Variants in MTAP observed in about 807,000 individuals in gnomAD.
MTAP encodes S-methyl-5'-thioadenosine phosphorylase.
A neutral mutation model predicts 33.6 loss-of-function variants in MTAP; 33 were observed. The observed-to-expected ratio is 0.98, with a 90% CI of 0.74 to 1.31. The LOEUF is 1.31. Among genes scored for constraint, MTAP ranks in the 40% most tolerant of loss-of-function variants. The pLI is 0.00. For synonymous variants in MTAP, 148 were observed against 125.7 expected, an observed-to-expected ratio of 1.18 and a Z score of -1.19; for missense variants, 367 against 360.0, an observed-to-expected ratio of 1.02 and a Z score of -0.16.
intron 4 of MTAP, among the ~76,000 whole-genome samples, chr9:21,824,519 G>T (rs1447771754): frequency 1.3e-5 from 2 of 152,244 alleles, no homozygotes; most frequent in Non-Finnish European, 2.9e-5. Flanking sequence ...CTACTGGGGG[G>T]TGCCTCACAG....
At chr9:21,940,492 T>C (rs1819119605), downstream of MTAP, among the ~76,000 whole-genome samples, 1 of 152,194 alleles carries the variant, frequency 6.6e-6, no homozygotes, top group Non-Finnish European at 1.5e-5. Flanking sequence ...TTTGAGGTTT[T>C]GTTATCTACT....
At chr9:21,853,434 A>G (rs1825563320) in intron 5 of MTAP, among the ~76,000 whole-genome samples, 2 of 152,200 alleles carry the variant, frequency 1.3e-5, no homozygotes, top group African/African-American at 2.4e-5. Flanking sequence ...TTCATTGTCC[A>G]TAGCTTGCTA....
intron 1 of MTAP, among the ~76,000 whole-genome samples, chr9:21,920,783 A>ATCCCACT (rs1488405381): frequency 1.3e-5 from 2 of 152,188 alleles, no homozygotes; most frequent in Non-Finnish European, 2.9e-5. Context: ...ATCATGCTAA[A>ATCCCACT]TGATCTTTTT....
intron 1 of MTAP, among the ~76,000 whole-genome samples, chr9:21,907,804 A>G (rs1044468181): frequency 6.6e-6 from 1 of 152,120 alleles, no homozygotes; most frequent in African/African-American, 2.4e-5. Context: ...GCCTTTTAGG[A>G]CATTTTAAGT....
rs1374870936 is a variant in MTAP at position 21,845,384 on chromosome 9, A to AT, written c.450+7374_450+7375insT. 6.6e-5 allele frequency among the ~76,000 whole-genome samples: 10 copies of AT among 152,334 alleles called. No individual in the cohort carries two copies. In the East Asian group the frequency reaches 1.9e-3, roughly 29 times the overall value. On this transcript the variant is annotated intron_variant, in intron 5 of 7. Transcript: ENST00000644715. ...AATAGCACTTTTATAGACCAACAGC[A>AT]ACCAAGCTGAGAATCAAATCAAGAA...
chr9:21,935,690 G>A (rs1183163350), downstream of MTAP: 1 of 151,984 alleles, frequency 6.6e-6, no homozygotes, highest in African/African-American at 2.4e-5. Flanking sequence ...TCTTCTGAAA[G>A]TATTGATGAT....
Position 21,864,634 on chromosome 9 carries a change from T to TG in MTAP, c.*2620_*2621insG, listed in dbSNP as rs1285092645. ...ACCTGGCCCCTGTTCACTGCCCCCTTCGCTAGCACGAGTTGCTGTGCAGGG... is the reference window on the plus strand; with the variant it reads ...ACCTGGCCCCTGTTCACTGCCCCCTTGCGCTAGCACGAGTTGCTGTGCAGGG... On this transcript the variant is annotated 3_prime_UTR_variant, in exon 8 of 8. Transcript: ENST00000644715. 1 of 985,384 alleles carries TG rather than the reference T, an allele frequency of 1.0e-6. No individual in the cohort carries two copies. Among genetic ancestry groups the TG allele is most frequent in the African/African-American group, 1.7e-5 (1 of 57,242 alleles). The allele number at this position is 985,384 out of a possible 1,614,324, so 61.0% of individuals were successfully genotyped here. A position where few individuals can be genotyped will look rare whatever the true frequency, so the allele number is the denominator to read the frequency against.
intron 1 of MTAP, among the ~76,000 whole-genome samples, chr9:21,894,393 G>T (rs1353984865): frequency 6.6e-6 from 1 of 151,886 alleles, no homozygotes; most frequent in Non-Finnish European, 1.5e-5. Flanking sequence ...AGTACTGGAC[G>T]TCCTAGCCAG....
intron 1 of MTAP, among the ~76,000 whole-genome samples, chr9:21,912,988 AACAG>A (rs1233809237): frequency 2.7e-4 from 41 of 152,118 alleles, no homozygotes; most frequent in Admixed American, 2.4e-3. Context: ...ATACACCAAT[AACAG>A]ACAGAGAGCC....
chr9:21,834,411 T>C (rs1825051130), intron 4 of MTAP, among the ~76,000 whole-genome samples: 1 of 152,220 alleles, frequency 6.6e-6, no homozygotes, highest in Admixed American at 6.5e-5. Flanking sequence ...TAGAGGGCTT[T>C]AAAGGTTAAA....
intron 1 of MTAP, chr9:21,803,234 G>A (rs1009463140): frequency 1.9e-5 from 6 of 318,796 alleles, no homozygotes; most frequent in African/African-American, 6.5e-5. Context: ...GTGCCTTGCG[G>A]GACTCCAGCT....
chr9:21,838,113 T>G, intron 5 of MTAP, 103 bp downstream of exon 5: 2 of 857,414 alleles, frequency 2.3e-6, no homozygotes, highest in South Asian at 3.1e-5. Flanking sequence ...ATACCCTCAC[T>G]CAAGTTTGCT....
chr9:21,802,850 C>G lies in MTAP; in HGVS notation c.33+69C>G, dbSNP rs776994307. 5.0e-6 allele frequency: 8 copies of G among 1,592,676 alleles called. No individual in the cohort carries two copies. The Admixed American group carries it at 1.4e-4, about 28-fold the overall frequency. ...GCCTTCTCGCCCCCGCGCCGGGGGACCGCGCCTCCGGGGGCCATGCGCCCG... is the reference window on the plus strand; with the variant it reads ...GCCTTCTCGCCCCCGCGCCGGGGGAGCGCGCCTCCGGGGGCCATGCGCCCG... On this transcript the variant is annotated intron_variant, in intron 1 of 7. Coordinates refer to ENST00000644715, the MANE Select transcript of MTAP (RefSeq NM_002451.4).
chr9:21,803,545 A>G (rs549425063), intron 1 of MTAP, among the ~76,000 whole-genome samples: 4 of 152,234 alleles, frequency 2.6e-5, no homozygotes, highest in South Asian at 2.1e-4. Context: ...ACAAGGGGTC[A>G]TTGTGCGGTG....
chr9:21,927,229 T>A (rs1413828342), intron 1 of MTAP, among the ~76,000 whole-genome samples: 3 of 152,220 alleles, frequency 2.0e-5, no homozygotes, highest in Non-Finnish European at 4.4e-5. Flanking sequence ...TATAGGTTAC[T>A]TTTTAAAGAA....
chr9:21,825,109 G>A (rs201171829), intron 4 of MTAP, among the ~76,000 whole-genome samples: 3 of 152,024 alleles, frequency 2.0e-5, no homozygotes, highest in East Asian at 1.9e-4. Flanking sequence ...CCCGCTCTCC[G>A]GCACCCACTG....
chr9:21,929,785 T>C (rs534813058), intron 1 of MTAP: 6 of 215,710 alleles, frequency 2.8e-5, no homozygotes, highest in Non-Finnish European at 5.8e-5. Flanking sequence ...CTCTCATTTT[T>C]GGATCAATCT....
chr9:21,806,189 A>G (rs758243641), intron 1 of MTAP, among the ~76,000 whole-genome samples: 1 of 152,146 alleles, frequency 6.6e-6, no homozygotes, highest in African/African-American at 2.4e-5. Flanking sequence ...CTAAGAGATC[A>G]GGCCAGAAGT....
At chr9:21,898,065 G>A (rs370425316) in intron 1 of MTAP, among the ~76,000 whole-genome samples, 1 of 152,004 alleles carries the variant, frequency 6.6e-6, no homozygotes. Flanking sequence ...TAGAGCCCGT[G>A]GAAATAATAC....
Sources: gnomAD v4.1 joint callset for allele counts (sites outside exome capture counted in the v4.1 genomes callset) on GRCh38, gnomAD v4.1.1 for gene constraint, MANE v1.5 for transcripts, NCBI Gene and HGNC (gene_info 2026-07-23, HGNC 2026-07-21) for gene names.